The following MUC15 variants were observed in gnomAD, a reference collection of about 807,000 sequenced individuals.
The protein encoded by MUC15 is mucin-15.
MUC15 carries 23 observed loss-of-function variants against 24.0 expected under a neutral mutation model. The ratio of observed to expected loss-of-function variants is 0.96; its 90% CI spans 0.69 to 1.36. The LOEUF is 1.36. Among genes scored for constraint, MUC15 ranks in the 40% most tolerant of loss-of-function variants. The pLI is 0.00. For synonymous variants in MUC15, 151 were observed against 156.3 expected, an observed-to-expected ratio of 0.97 and a Z score of 0.25; for missense variants, 442 against 428.2, an observed-to-expected ratio of 1.03 and a Z score of -0.29.
intron 3 of MUC15, 24 bp from the exon 4 acceptor site, chr11:26,563,289 G>A: frequency 6.4e-7 from 1 of 1,563,728 alleles, no homozygotes; most frequent in East Asian, 2.3e-5. Context: ...AAAATTTAAA[G>A]AAATATAAAA....
rs2134247420 is a variant in MUC15 at position 26,560,670 on chromosome 11, G to C, written c.*395C>G. ...TTAAGAAAATGCAATCTTGAATTAT[G>C]GTACTAGGGCTTCAGGCAGAGCAGT... On this transcript the variant is annotated 3_prime_UTR_variant, in exon 5 of 5. Coordinates refer to ENST00000529533, the MANE Select transcript of MUC15 (RefSeq NM_001135091.2). 1 of 154,730 alleles carries C rather than the reference G, an allele frequency of 6.5e-6. No homozygotes were observed. The highest frequency in any genetic ancestry group is 2.4e-5 in the African/African-American group (1 of 41,614). 9.6% of individuals were successfully genotyped at this position (154,730 alleles called of 1,614,324 possible).
chr11:26,565,841 T>G lies in MUC15; in HGVS notation c.99A>C (p.Lys33Asn). 6.2e-7 allele frequency: 1 copy of G among 1,612,724 alleles called. No individual in the cohort carries two copies. Among genetic ancestry groups the G allele is most frequent in the Non-Finnish European group, 8.5e-7 (1 of 1,179,316 alleles). Residue 33 changes from lysine to asparagine, a missense_variant, in exon 3 of 5, where the codon AAA (lysine) becomes AAC (asparagine). Transcript: ENST00000529533. The stretch of plus-strand genomic sequence containing the variant: ...AAAACAACGTTGAAATCAACAGAAT[T>G]TTGGCTAAGGCCAACATTGTAGGCT... ...PKKPTMLALAKILLISTLFYS... is the reference protein window; with the variant it reads ...PKKPTMLALANILLISTLFYS...
At chr11:26,564,104 T>C (rs1480230718) in intron 3 of MUC15, among the ~76,000 whole-genome samples, 3 of 151,768 alleles carry the variant, frequency 2.0e-5, no homozygotes, top group African/African-American at 7.3e-5. Context: ...AAAAGAGAAG[T>C]AAGCTAACTA....
At position 26,563,096 on chromosome 11, in the gene MUC15, G is replaced by C. The variant is rs1425539134; in HGVS notation, c.925+20C>G. 2 of 1,609,770 alleles carry C rather than the reference G, an allele frequency of 1.2e-6. No individual in the cohort carries two copies. The highest frequency in any genetic ancestry group is 1.7e-6 in the Non-Finnish European group (2 of 1,177,658). ...ATTAAAACCACTGTGCCCAGGTGAA[G>C]TATTGAAAATAGATTTTACCTGGTT... On this transcript the variant is annotated intron_variant, in intron 4 of 4. Transcript: ENST00000529533.
intron 2 of MUC15, among the ~76,000 whole-genome samples, chr11:26,566,352 T>C (rs1300177087): frequency 1.3e-5 from 2 of 152,068 alleles, no homozygotes; most frequent in Non-Finnish European, 2.9e-5. Flanking sequence ...TCATTTGAAA[T>C]ATTTATTATG....
intron 1 of MUC15, among the ~76,000 whole-genome samples, chr11:26,569,468 A>G (rs565017340): frequency 2.8e-4 from 43 of 152,162 alleles, no homozygotes; most frequent in African/African-American, 1.0e-3. Context: ...AGGTTACGCC[A>G]CTTACTCAGG....
chr11:26,562,949 T>C, intron 4 of MUC15, 167 bp downstream of exon 4: 1 of 920,004 alleles, frequency 1.1e-6, no homozygotes, highest in Non-Finnish European at 1.5e-6. Context: ...TCTATAATTA[T>C]TTTGGTTTTG....
rs200696532 is a variant in MUC15 at position 26,561,205 on chromosome 11, G to T, written c.946C>A (p.Pro316Thr). Reference protein sequence around the residue: ...NEPVLRLDNAPEPYDVSFGNS... With the variant: ...NEPVLRLDNATEPYDVSFGNS... The stretch of plus-strand genomic sequence containing the variant: ...CCAAAACTCACATCATAAGGTTCCG[G>T]TGCATTGTCTAATCGCAGAACTAAA... The change falls in exon 5 of 5, where the codon CCG becomes ACG. Residue 316 changes from proline to threonine, a missense_variant. Pro to Thr is a conservative substitution (Grantham distance 38). Coordinates refer to ENST00000529533, the MANE Select transcript of MUC15 (RefSeq NM_001135091.2). 3.1e-6 allele frequency: 5 copies of T among 1,609,412 alleles called. No individual in the cohort carries two copies. The highest frequency in any genetic ancestry group is 4.2e-6 in the Non-Finnish European group (5 of 1,177,818).
rs780839100 is a variant in MUC15 at position 26,559,788 on chromosome 11, T to G, written c.*1277A>C. On this transcript the variant is annotated 3_prime_UTR_variant, in exon 5 of 5. Coordinates refer to ENST00000529533, the MANE Select transcript of MUC15 (RefSeq NM_001135091.2). ...TTTTATGGCAATATGGGGTAAGTAC[T>G]TTCTTCATTACTTTCTATCCCTTAT... 1.3e-6 allele frequency: 2 copies of G among 1,594,724 alleles called. No individual in the cohort carries two copies. The highest frequency in any genetic ancestry group is 1.7e-5 in the Admixed American group (1 of 59,900).
In MUC15 at chr11:26,559,963, C is replaced by T; in HGVS notation, c.*1102G>A. On this transcript the variant is annotated 3_prime_UTR_variant, in exon 5 of 5. Coordinates refer to ENST00000529533, the MANE Select transcript of MUC15 (RefSeq NM_001135091.2). ...ATTCAGTGCTTCTTTAGGAATTTAA[C>T]TCTTGATCTCATCCTCTAATCTCTA... 4 of 471,944 alleles carry T rather than the reference C, an allele frequency of 8.5e-6. No individual in the cohort carries two copies. The highest frequency in any genetic ancestry group is 1.5e-5 in the Non-Finnish European group (4 of 264,186). The allele number at this position is 471,944 out of a possible 1,614,324, so 29.2% of individuals were successfully genotyped here.
intron 1 of MUC15, among the ~76,000 whole-genome samples, chr11:26,568,008 C>T (rs1331837209): frequency 6.6e-6 from 1 of 151,912 alleles, no homozygotes; most frequent in Non-Finnish European, 1.5e-5. Flanking sequence ...TTGGGTGGAG[C>T]ATGGAAGGAG....
At chr11:26,571,660 G>C (rs2134290523) in intron 1 of MUC15, among the ~76,000 whole-genome samples, 1 of 152,118 alleles carries the variant, frequency 6.6e-6, no homozygotes, top group Non-Finnish European at 1.5e-5. Flanking sequence ...TTAAATCTAA[G>C]ATTCAATTTA....
chr11:26,565,583 T>C lies in MUC15; in HGVS notation c.357A>G (p.Ser119=). 6.2e-7 allele frequency: 1 copy of C among 1,613,362 alleles called. No individual in the cohort carries two copies. The highest frequency in any genetic ancestry group is 8.5e-7 in the Non-Finnish European group (1 of 1,179,570). Residue 119 remains serine (S), a synonymous_variant, in exon 3 of 5, where the codon TCA becomes TCG. Transcript: ENST00000529533. ...HGITDFSSNS[S]AEHSLGSLKP... is the part of the protein sequence containing the mutation. ...TTAGACTGCCCAAAGAATGCTCTGC[T>C]GATGAGTTACTGGAGAAATCTGTTA...
intron 4 of MUC15, 126 bp from the exon 5 acceptor site, chr11:26,561,351 G>T: frequency 2.9e-6 from 2 of 696,270 alleles, no homozygotes; most frequent in East Asian, 6.7e-5. Flanking sequence ...GGGCTTTTTA[G>T]ATTTTAGTTT....
Position 26,561,176 on chromosome 11 carries a change from A to C in MUC15, c.975T>G (p.Asn325Lys). 6.2e-7 allele frequency: 1 copy of C among 1,612,638 alleles called. No individual in the cohort carries two copies. The highest frequency in any genetic ancestry group is 8.5e-7 in the Non-Finnish European group (1 of 1,179,188). Residue 325 changes from asparagine to lysine, a missense_variant, in exon 5 of 5, where the codon AAT becomes AAG. Physicochemically the swap from Asn to Lys is moderately conservative, Grantham distance 94. Coordinates refer to ENST00000529533, the MANE Select transcript of MUC15 (RefSeq NM_001135091.2). ...TCAAAGTTGGATTGTAGTAGCTAGAATTCCCAAAACTCACATCATAAGGTT... is the reference window on the plus strand; with the variant it reads ...TCAAAGTTGGATTGTAGTAGCTAGACTTCCCAAAACTCACATCATAAGGTT... ...APEPYDVSFG[N>K]SSYYNPTLND...
In MUC15 at chr11:26,565,913, A is replaced by G. The variant is rs544636456; in HGVS notation, c.44-17T>C. 5.2e-6 allele frequency: 8 copies of G among 1,551,704 alleles called. No individual in the cohort carries two copies. Among genetic ancestry groups the G allele is most frequent in the African/African-American group, 2.8e-5 (2 of 71,812 alleles). ...TAAAGGAATCTGAAAGAAAATAACC[A>G]TAATTTGAATTCCTTAAATAAAATA... On this transcript the variant is annotated splice_polypyrimidine_tract_variant and intron_variant, in intron 2 of 4. Coordinates refer to ENST00000529533, the MANE Select transcript of MUC15 (RefSeq NM_001135091.2).
intron 1 of MUC15, among the ~76,000 whole-genome samples, chr11:26,567,859 T>C (rs1381438365): frequency 6.6e-6 from 1 of 151,982 alleles, no homozygotes; most frequent in African/African-American, 2.4e-5. Flanking sequence ...ACGACATGGA[T>C]GATTATCACA....
intron 4 of MUC15, among the ~76,000 whole-genome samples, chr11:26,562,095 T>C (rs973786658): frequency 7.9e-5 from 12 of 152,018 alleles, no homozygotes; most frequent in Non-Finnish European, 1.8e-4. Context: ...TTAGATTGTA[T>C]CAATTTTTGA....
At chr11:26,561,341 G>T in intron 4 of MUC15, 116 bp from the exon 5 acceptor site, 3 of 726,452 alleles carry the variant, frequency 4.1e-6, no homozygotes, top group Admixed American at 4.1e-5. Flanking sequence ...ATTTTTATAT[G>T]GGCTTTTTAG....
Sources: gnomAD v4.1 joint callset for allele counts (sites outside exome capture counted in the v4.1 genomes callset) on GRCh38, gnomAD v4.1.1 for gene constraint, MANE v1.5 for transcripts, NCBI Gene and HGNC (gene_info 2026-07-23, HGNC 2026-07-21) for gene names.